Variants in RECQL observed in about 807,000 individuals in gnomAD.
RECQL encodes ATP-dependent DNA helicase Q1.
RECQL carries 73 observed loss-of-function variants against 75.8 expected under a neutral mutation model. The ratio of observed to expected loss-of-function variants is 0.96; its 90% CI spans 0.80 to 1.17. The LOEUF (loss-of-function observed/expected upper bound fraction) is 1.17. Among genes scored for constraint, RECQL ranks in the 50% most tolerant of loss-of-function variants. The pLI is 0.00. For missense variants in RECQL, 699 were observed against 772.1 expected, an observed-to-expected ratio of 0.91 and a Z score of 1.12; for synonymous variants, 248 against 254.4, an observed-to-expected ratio of 0.97 and a Z score of 0.24.
chr12:21,490,472 T>C (rs1943389373), intron 3 of RECQL, 94 bp from the exon 4 acceptor site: 1 of 726,988 alleles, frequency 1.4e-6, no homozygotes, highest in African/African-American at 1.8e-5. Context: ...TTCTAATACT[T>C]ATAGACCATT....
rs1409010503 is a variant in RECQL at position 21,494,120 on chromosome 12, T to C, written c.17-2404A>G. ...AAAGGGGGGCAGGTGTGTCACACAG[T>C]GGGAGATAGAGTAAGAAAGAGAAGA... On this transcript the variant is annotated intron_variant, in intron 2 of 14. Transcript: ENST00000444129. Among the ~76,000 whole-genome samples, 5 of 151,836 alleles carry C rather than the reference T, an allele frequency of 3.3e-5. No homozygotes were observed. In the East Asian group the frequency reaches 9.7e-4, roughly 29 times the overall value.
In RECQL at chr12:21,486,575, G is replaced by C; in HGVS notation, c.405C>G (p.Leu135=). Residue 135 remains leucine, a synonymous_variant, in exon 5 of 15, where the codon CTC becomes CTG. Coordinates refer to ENST00000444129, the MANE Select transcript of RECQL (RefSeq NM_002907.4). ...LPALCSDGFT[L]VICPLISLME... ...TAAGAGAGATCAATGGGCAAATGAC[G>C]AGTGTAAAACCTAAAAGAGAAAAAA... is the stretch of plus-strand genomic sequence containing the variant. 4.6e-6 allele frequency: 7 copies of C among 1,526,268 alleles called. No individual in the cohort carries two copies. The highest frequency in any genetic ancestry group is 6.2e-6 in the Non-Finnish European group (7 of 1,136,556). 94.5% of individuals were successfully genotyped at this position (1,526,268 alleles called of 1,614,324 possible).
chr12:21,471,549 T>G lies in RECQL; in HGVS notation c.1546A>C (p.Ile516Leu). The change falls in exon 13 of 15, where the codon ATT becomes CTT. Residue 516 changes from isoleucine to leucine, a missense_variant. Physicochemically the swap from Ile to Leu is conservative, Grantham distance 5. This residue lies in a region of RECQL where 669 missense variants were observed against 713.5 expected (regional missense o/e 0.94). Coordinates refer to ENST00000444129, the MANE Select transcript of RECQL (RefSeq NM_002907.4). ...LNEKLTPLKL[I>L]DSWMGKGAAK... ...GCACCCTTTCCCATCCAAGAATCAA[T>G]CAGTTTCAATGGAGTGAGTTTTTCA... is the stretch of plus-strand genomic sequence containing the variant. 1 of 1,612,656 alleles carries G rather than the reference T, an allele frequency of 6.2e-7. No individual in the cohort carries two copies. Among genetic ancestry groups the G allele is most frequent in the Non-Finnish European group, 8.5e-7 (1 of 1,179,250 alleles).
intron 11 of RECQL, among the ~76,000 whole-genome samples, chr12:21,474,472 G>A (rs546491754): frequency 2.0e-5 from 3 of 152,090 alleles, no homozygotes; most frequent in African/African-American, 7.2e-5. Flanking sequence ...ACATGAGCTG[G>A]CAAGGTGGCA....
At chr12:21,474,216 G>A (rs1459996286) in intron 11 of RECQL, among the ~76,000 whole-genome samples, 1 of 151,872 alleles carries the variant, frequency 6.6e-6, no homozygotes, top group Non-Finnish European at 1.5e-5. Flanking sequence ...CTGGCCTTTG[G>A]AAGACATTTT....
intron 2 of RECQL, among the ~76,000 whole-genome samples, chr12:21,496,897 A>C (rs918689122): frequency 4.6e-5 from 7 of 152,180 alleles, no homozygotes; most frequent in Admixed American, 6.5e-5. Context: ...CTTACCATTG[A>C]GCCATATGAC....
At chr12:21,483,678 C>CAAAGGCTATTA in intron 5 of RECQL, 104 bp from the exon 6 acceptor site, 1 of 803,892 alleles carries the variant, frequency 1.2e-6, no homozygotes, top group Non-Finnish European at 1.9e-6. Flanking sequence ...CAATAATAGC[C>CAAAGGCTATTA]TTTGGCTCTT....
At position 21,489,164 on chromosome 12, in the gene RECQL, C is replaced by G. The variant is rs185963945; in HGVS notation, c.394+1035G>C. Among the ~76,000 whole-genome samples the G allele has an allele frequency of 2.0e-5, 3 of 152,316 alleles. No homozygotes were observed. In the East Asian group the frequency reaches 5.8e-4, roughly 29 times the overall value. On this transcript the variant is annotated intron_variant, in intron 4 of 14. Transcript: ENST00000444129. Reference sequence around the variant, plus strand: ...GCAATTGCTTGCAATTACCTGTATTCTCTAAACCAGGGATCAACAAAGTAA... The same window carrying G: ...GCAATTGCTTGCAATTACCTGTATTGTCTAAACCAGGGATCAACAAAGTAA...
At chr12:21,473,492 C>CT in intron 12 of RECQL, 59 bp downstream of exon 12, 1 of 1,271,840 alleles carries the variant, frequency 7.9e-7, no homozygotes, top group Non-Finnish European at 1.1e-6. Flanking sequence ...GAACGTATCT[C>CT]TGTCACTAGG....
intron 11 of RECQL, 46 bp from the exon 12 acceptor site, chr12:21,473,688 G>A (rs1173747296): frequency 6.7e-7 from 1 of 1,501,796 alleles, no homozygotes; most frequent in African/African-American, 1.4e-5. Context: ...ATATAATAAA[G>A]TTTTAAGAAT....
At chr12:21,490,467 A>G (rs1943389323) in intron 3 of RECQL, 89 bp from the exon 4 acceptor site, 1 of 788,004 alleles carries the variant, frequency 1.3e-6, no homozygotes, top group East Asian at 2.6e-5. Context: ...AAGACTTCTA[A>G]TACTTATAGA....
rs1479508262 is a variant in RECQL, at chr12:21,501,553, G to C, written c.-429C>G. 1.6e-5 allele frequency: 4 copies of C among 250,428 alleles called. No individual in the cohort carries two copies. Among genetic ancestry groups the C allele is most frequent in the African/African-American group, 4.6e-5 (2 of 43,734 alleles). The allele number at this position is 250,428 out of a possible 1,614,324, so 15.5% of individuals were successfully genotyped here. A position where few individuals can be genotyped will look rare whatever the true frequency, so the allele number is the denominator to read the frequency against. On this transcript the variant is annotated 5_prime_UTR_variant, in exon 1 of 15. Coordinates refer to ENST00000444129, the MANE Select transcript of RECQL (RefSeq NM_002907.4). Reference sequence around the variant, plus strand: ...TCCGATCTCCGACTCTCGGATCTCCGACACCAAAGCACCCAGGCCTCGAGC... The same window carrying C: ...TCCGATCTCCGACTCTCGGATCTCCCACACCAAAGCACCCAGGCCTCGAGC...
At chr12:21,490,111 TATG>T (rs1943380175) in intron 4 of RECQL, 85 bp downstream of exon 4, 9 of 654,004 alleles carry the variant, frequency 1.4e-5, no homozygotes, top group Non-Finnish European at 2.2e-5. Context: ...TTTATATATG[TATG>T]ATTATAAATT....
At chr12:21,478,399 T>C (rs997938451) in intron 6 of RECQL, among the ~76,000 whole-genome samples, 2 of 152,234 alleles carry the variant, frequency 1.3e-5, no homozygotes, top group South Asian at 2.1e-4. Flanking sequence ...TTAAACTATT[T>C]GGAGGAAACT....
intron 2 of RECQL, among the ~76,000 whole-genome samples, chr12:21,496,836 C>T (rs1030134418): frequency 2.0e-5 from 3 of 152,100 alleles, no homozygotes; most frequent in Non-Finnish European, 2.9e-5. Context: ...CAAAACTTGC[C>T]GGTTTTGAGT....
intron 4 of RECQL, among the ~76,000 whole-genome samples, chr12:21,487,904 C>T (rs963864237): frequency 1.3e-5 from 2 of 152,194 alleles, no homozygotes; most frequent in African/African-American, 4.8e-5. Context: ...TTGGACTTCC[C>T]AGCCTCCAGA....
chr12:21,475,955 G>A, intron 8 of RECQL, 131 bp from the exon 9 acceptor site: 1 of 748,852 alleles, frequency 1.3e-6, no homozygotes, highest in Non-Finnish European at 2.1e-6. Flanking sequence ...AAATTTCAAG[G>A]CCTTGTGCAT....
chr12:21,500,359 A>AAATTCCCC (rs1026700048), intron 1 of RECQL, among the ~76,000 whole-genome samples: 1 of 152,160 alleles, frequency 6.6e-6, no homozygotes, highest in African/African-American at 2.4e-5. Context: ...TAGAAACTTT[A>AAATTCCCC]AATTCCCCAT....
intron 2 of RECQL, among the ~76,000 whole-genome samples, chr12:21,494,768 C>T (rs1301987894): frequency 6.6e-6 from 1 of 152,178 alleles, no homozygotes; most frequent in Non-Finnish European, 1.5e-5. Context: ...ATGAGCAGAG[C>T]GCCAGCATCA....
Sources: allele counts gnomAD v4.1 joint callset (sites outside exome capture counted in the v4.1 genomes callset), GRCh38; gene constraint gnomAD v4.1.1; regional missense constraint gnomAD v4.1.1; transcripts MANE v1.5; gene names NCBI Gene and HGNC (gene_info 2026-07-23, HGNC 2026-07-21).